The following COL19A1 variants were observed in gnomAD, a reference collection of about 807,000 sequenced individuals.
COL19A1 encodes collagen alpha-1(XIX) chain.
A neutral mutation model predicts 190.2 loss-of-function variants in COL19A1; 159 were observed. The ratio of observed to expected loss-of-function variants is 0.84; its 90% CI spans 0.73 to 0.95. The LOEUF is 0.95. Among genes scored for constraint, COL19A1 ranks in the 40% least tolerant of loss-of-function variants. COL19A1 has a pLI of 0.00. For missense variants in COL19A1, 1,418 were observed against 1,431.9 expected, an observed-to-expected ratio of 0.99 and a Z score of 0.16; for synonymous variants, 509 against 458.9, an observed-to-expected ratio of 1.11 and a Z score of -1.39.
chr6:70,150,048 A>G lies in COL19A1; in HGVS notation c.2037+3A>G, dbSNP rs1786951267. ...TGCCAGGCCCCCCAGGTGACCCGGT[A>G]TGTAGACAAACCTTGTCTGATTTAT... On this transcript the variant is annotated splice_donor_region_variant and intron_variant, in intron 30 of 50. Transcript: ENST00000620364. 3.7e-6 allele frequency: 6 copies of G among 1,613,618 alleles called. No homozygotes were observed. The highest frequency in any genetic ancestry group is 5.1e-6 in the Non-Finnish European group (6 of 1,179,784).
intron 49 of COL19A1, among the ~76,000 whole-genome samples, chr6:70,203,728 A>T (rs971505474): frequency 1.3e-5 from 2 of 152,194 alleles, no homozygotes; most frequent in African/African-American, 4.8e-5. Context: ...AACACAGTCT[A>T]CCACCTGAAA....
At chr6:70,032,350 A>C (rs1436618671) in intron 12 of COL19A1, among the ~76,000 whole-genome samples, 1 of 152,178 alleles carries the variant, frequency 6.6e-6, no homozygotes, top group Non-Finnish European at 1.5e-5. Context: ...CTAGCTGAGA[A>C]GAGGGCTCAG....
intron 10 of COL19A1, 105 bp from the exon 11 acceptor site, chr6:69,962,721 C>A (rs1774874135): frequency 2.6e-5 from 18 of 679,508 alleles, no homozygotes; most frequent in Non-Finnish European, 3.9e-5. Context: ...TGGTTATTTA[C>A]AATTACTGAT....
At chr6:69,997,036 G>T (rs1219100554) in intron 11 of COL19A1, among the ~76,000 whole-genome samples, 47 of 146,746 alleles carry the variant, frequency 3.2e-4, no homozygotes, top group African/African-American at 7.8e-4. Context: ...TAGAGAGAGA[G>T]AGAGAGAGAG....
At chr6:69,938,181 T>C in intron 9 of COL19A1, 81 bp downstream of exon 9, 1 of 1,304,644 alleles carries the variant, frequency 7.7e-7, no homozygotes, top group Non-Finnish European at 1.1e-6. Flanking sequence ...TCATTTTTCT[T>C]TATTCTGTAC....
intron 16 of COL19A1, 122 bp downstream of exon 16, chr6:70,102,344 C>A: frequency 1.3e-6 from 1 of 747,910 alleles, no homozygotes; most frequent in Non-Finnish European, 2.3e-6. Context: ...TTTAGAATGA[C>A]TGGTTTCAGC....
rs557176798 is a variant in COL19A1 at position 70,199,469 on chromosome 6, A to G, written c.3095-139A>G. On this transcript the variant is annotated intron_variant, in intron 48 of 50. Transcript: ENST00000620364. ...TATTTGTCTAATCAAAAAACTCAGC[A>G]GTCAGACCAGTTGGTAAATTAGATG... 6 of 598,626 alleles carry G rather than the reference A, an allele frequency of 1.0e-5. No individual in the cohort carries two copies. In the East Asian group the frequency reaches 1.8e-4, roughly 18 times the overall value. 37.1% of individuals were successfully genotyped at this position (598,626 alleles called of 1,614,324 possible).
Position 70,156,687 on chromosome 6 carries a change from G to A in COL19A1, c.2256G>A (p.Arg752=), listed in dbSNP as rs1787461663. 2 of 1,611,722 alleles carry A rather than the reference G, an allele frequency of 1.2e-6. No individual in the cohort carries two copies. Among genetic ancestry groups the A allele is most frequent in the South Asian group, 1.1e-5 (1 of 90,934 alleles). ...CTTTTTAGGGAAGCAAAGGAGAGCG[G>A]GGCTACCCTGGGATACCTGGGGAGA... ...REGPKGSKGE[R]GYPGIPGEKG... Residue 752 remains arginine (R), a synonymous_variant, in exon 34 of 51, where the codon CGG becomes CGA. Coordinates refer to ENST00000620364, the MANE Select transcript of COL19A1 (RefSeq NM_001858.6).
At chr6:70,171,920 A>G in intron 40 of COL19A1, 44 bp from the exon 41 acceptor site, 1 of 1,597,020 alleles carries the variant, frequency 6.3e-7, no homozygotes, top group East Asian at 2.2e-5. Context: ...GCTTAAAAAC[A>G]TTTTGATTAT....
In COL19A1 at chr6:69,936,808, A is replaced by G. The variant is rs1379940815; in HGVS notation, c.771A>G (p.Gly257=). The G allele has an allele frequency of 1.9e-6, 3 of 1,612,930 alleles. No homozygotes were observed. Among genetic ancestry groups the G allele is most frequent in the African/African-American group, 1.3e-5 (1 of 74,840 alleles). The change falls in exon 8 of 51, where the codon GGA becomes GGG. Residue 257 remains glycine (G), a synonymous_variant. Transcript: ENST00000620364. ...AGTGCCCAGAGCAGGATGGCTTTGG[A>G]AATATTGCATCATCATGGGTAACTG... ...DTKCPEQDGF[G]NIASSWVTAH... is the part of the protein sequence containing the mutation.
intron 9 of COL19A1, among the ~76,000 whole-genome samples, chr6:69,944,240 TG>T (rs1384329009): frequency 2.6e-5 from 4 of 152,178 alleles, no homozygotes; most frequent in African/African-American, 9.7e-5. Context: ...CCTCTTACTT[TG>T]CTTAGCACTT....
At chr6:70,115,919 A>G (rs746680099) in intron 16 of COL19A1, among the ~76,000 whole-genome samples, 26 of 149,258 alleles carry the variant, frequency 1.7e-4, no homozygotes, top group Non-Finnish European at 2.7e-4. Flanking sequence ...AAAATCCATT[A>G]CAATTATAAC....
At chr6:70,038,575 G>T (rs141257212) in intron 14 of COL19A1, among the ~76,000 whole-genome samples, 1 of 152,300 alleles carries the variant, frequency 6.6e-6, no homozygotes, top group African/African-American at 2.4e-5. Context: ...TAAATGGAGA[G>T]AATTAGGGCT....
intron 14 of COL19A1, among the ~76,000 whole-genome samples, chr6:70,051,217 A>G (rs553893853): frequency 3.9e-5 from 6 of 152,272 alleles, no homozygotes; most frequent in Admixed American, 1.3e-4. Context: ...TAGAGAATAA[A>G]TGTAAGGAAT....
intron 14 of COL19A1, 92 bp downstream of exon 14, chr6:70,036,031 C>T: frequency 8.0e-7 from 1 of 1,243,674 alleles, no homozygotes; most frequent in Admixed American, 1.9e-5. Context: ...ATTTAAGTCA[C>T]AGAGTTAAGA....
At chr6:70,098,501 G>C in intron 15 of COL19A1, 1 of 485,390 alleles carries the variant, frequency 2.1e-6, no homozygotes, top group South Asian at 1.5e-5. Context: ...CATTCGACCA[G>C]TCCTGGTATT....
chr6:70,042,030 A>G (rs1779660122), intron 14 of COL19A1, among the ~76,000 whole-genome samples: 1 of 152,190 alleles, frequency 6.6e-6, no homozygotes, highest in Non-Finnish European at 1.5e-5. Context: ...GCACCGCTGC[A>G]CTCCAGCCTA....
intron 2 of COL19A1, among the ~76,000 whole-genome samples, chr6:69,893,094 A>G (rs558644079): frequency 6.6e-6 from 1 of 152,348 alleles, no homozygotes; most frequent in African/African-American, 2.4e-5. Context: ...TGAAAACCCA[A>G]ACAAGGATCA....
intron 11 of COL19A1, among the ~76,000 whole-genome samples, chr6:69,981,842 C>A (rs1221198790): frequency 6.6e-6 from 1 of 152,082 alleles, no homozygotes; most frequent in African/African-American, 2.4e-5. Flanking sequence ...ATTTTAAAAT[C>A]TGTCCTAAAA....
Sources: gnomAD v4.1 joint callset for allele counts (sites outside exome capture counted in the v4.1 genomes callset) on GRCh38, gnomAD v4.1.1 for gene constraint, MANE v1.5 for transcripts, NCBI Gene and HGNC (gene_info 2026-07-23, HGNC 2026-07-21) for gene names.